PRKG1: variants seen among roughly 807,000 people sequenced by gnomAD.
The protein encoded by PRKG1 is cGMP-dependent protein kinase 1.
In PRKG1, 35 loss-of-function variants were observed where a neutral mutation model predicts 88.1. The observed-to-expected ratio is 0.40, with a 90% CI of 0.30 to 0.53. PRKG1 has a LOEUF of 0.53. Among genes scored for constraint, PRKG1 ranks in the 20% least tolerant of loss-of-function variants. PRKG1 has a pLI of 0.59. For synonymous variants in PRKG1, 303 were observed against 292.5 expected (o/e 1.04, Z -0.37); for missense variants, 540 against 839.8 (o/e 0.64, Z 4.41).
intron 4 of PRKG1, among the ~76,000 whole-genome samples, chr10:51,845,273 T>C (rs1472954346): frequency 6.6e-6 from 1 of 152,154 alleles, no homozygotes; most frequent in Non-Finnish European, 1.5e-5. Context: ...AGATTTTATC[T>C]TTCCAGATGT....
chr10:51,643,900 T>C (rs1839857904), intron 3 of PRKG1, among the ~76,000 whole-genome samples: 1 of 152,130 alleles, frequency 6.6e-6, no homozygotes, highest in Admixed American at 6.6e-5. Context: ...TCAACACCAT[T>C]AACCAGTCAT....
intron 9 of PRKG1, among the ~76,000 whole-genome samples, chr10:52,198,828 G>GTA (rs1243043945): frequency 6.6e-6 from 1 of 151,692 alleles, no homozygotes; most frequent in East Asian, 1.9e-4. Context: ...GTGTGTGTGT[G>GTA]TGTGTGCATG....
At chr10:51,264,244 G>A (rs978187718) in intron 2 of PRKG1, among the ~76,000 whole-genome samples, 3 of 152,212 alleles carry the variant, frequency 2.0e-5, no homozygotes, top group African/African-American at 7.2e-5. Flanking sequence ...CTCCATTAAA[G>A]ATATTTGAAG....
intron 3 of PRKG1, among the ~76,000 whole-genome samples, chr10:51,787,830 A>G (rs1169408028): frequency 6.6e-6 from 1 of 152,130 alleles, no homozygotes; most frequent in African/African-American, 2.4e-5. Context: ...ATTACAATCA[A>G]CCTTCAGAAT....
chr10:51,449,939 A>G (rs1047350691), intron 2 of PRKG1, among the ~76,000 whole-genome samples: 15 of 151,974 alleles, frequency 9.9e-5, no homozygotes, highest in Non-Finnish European at 2.1e-4. Context: ...GATGCGAATC[A>G]GTGAATAAAC....
chr10:51,798,170 A>G (rs1839066146), intron 3 of PRKG1, among the ~76,000 whole-genome samples: 1 of 152,046 alleles, frequency 6.6e-6, no homozygotes, highest in Admixed American at 6.6e-5. Flanking sequence ...ACTCAGAAGT[A>G]AAATTTCTGA....
intron 5 of PRKG1, among the ~76,000 whole-genome samples, chr10:52,018,134 G>A (rs913658916): frequency 6.6e-6 from 1 of 152,040 alleles, no homozygotes; most frequent in Non-Finnish European, 1.5e-5. Flanking sequence ...TTAGTATTTT[G>A]CAGGGTAAAA....
chr10:51,498,846 T>A (rs1840938931), intron 3 of PRKG1, among the ~76,000 whole-genome samples: 1 of 152,004 alleles, frequency 6.6e-6, no homozygotes, highest in Non-Finnish European at 1.5e-5. Flanking sequence ...ATACTCTTTC[T>A]TCATGTTTTT....
chr10:51,119,371 T>G (rs1043198479), intron 1 of PRKG1, among the ~76,000 whole-genome samples: 21 of 152,112 alleles, frequency 1.4e-4, no homozygotes, highest in Non-Finnish European at 1.9e-4. Context: ...ATTATTTGCA[T>G]AATTAGAGAA....
chr10:51,978,436 C>CTTTTTTTTTTTTTT (rs34946662), intron 5 of PRKG1, among the ~76,000 whole-genome samples: 2 of 134,330 alleles, frequency 1.5e-5, no homozygotes, highest in African/African-American at 5.5e-5. Context: ...CATTCGGGCT[C>CTTTTTTTTTTTTTT]TTTTTTTTTT....
rs548101042 is a variant in PRKG1 at position 51,005,044 on chromosome 10, A to G, written c.266+13400A>G. The stretch of plus-strand genomic sequence containing the variant: ...TTATAGGATGGCAACCTCGGTAGAG[A>G]TTTCATTTCATTATTTTTTTCTTGG... On this transcript the variant is annotated intron_variant, in intron 1 of 17. Transcript: ENST00000401604. 4.6e-5 allele frequency among the ~76,000 whole-genome samples: 7 copies of G among 152,184 alleles called. No homozygotes were observed. In the South Asian group the frequency reaches 1.2e-3, roughly 27 times the overall value.
chr10:51,110,506 A>G (rs1844957433), intron 1 of PRKG1, among the ~76,000 whole-genome samples: 1 of 152,106 alleles, frequency 6.6e-6, no homozygotes, highest in African/African-American at 2.4e-5. Flanking sequence ...ATGGTGACAG[A>G]ACAAACCGGT....
intron 3 of PRKG1, among the ~76,000 whole-genome samples, chr10:51,693,566 TAA>T (rs1841203615): frequency 6.6e-6 from 1 of 151,962 alleles, no homozygotes; most frequent in Non-Finnish European, 1.5e-5. Flanking sequence ...CATGCCTGGC[TAA>T]TTTTTGTATT....
intron 3 of PRKG1, among the ~76,000 whole-genome samples, chr10:51,628,160 C>CTTTATTTATTTA (rs1382306868): frequency 5.9e-5 from 3 of 51,272 alleles, no homozygotes; most frequent in Admixed American, 5.8e-4. Context: ...TTCTTTCTTT[C>CTTTATTTATTTA]TTTATTTATT....
intron 3 of PRKG1, among the ~76,000 whole-genome samples, chr10:51,547,152 T>A (rs954680051): frequency 6.6e-6 from 1 of 152,068 alleles, no homozygotes; most frequent in Non-Finnish European, 1.5e-5. Flanking sequence ...AATAAATGAC[T>A]TTTATAAATT....
intron 17 of PRKG1, among the ~76,000 whole-genome samples, chr10:52,292,785 C>G (rs1396730281): frequency 6.6e-6 from 1 of 151,836 alleles, no homozygotes; most frequent in African/African-American, 2.4e-5. Context: ...CTATCTATGA[C>G]AAACCCACAG....
intron 2 of PRKG1, among the ~76,000 whole-genome samples, chr10:51,402,441 C>T (rs530621823): frequency 2.6e-5 from 4 of 152,324 alleles, no homozygotes; most frequent in East Asian, 3.9e-4. Context: ...GCCATAGAAG[C>T]ACCACACTTT....
intron 3 of PRKG1, among the ~76,000 whole-genome samples, chr10:51,632,563 G>A (rs548046638): frequency 5.3e-4 from 80 of 152,180 alleles, no homozygotes; most frequent in African/African-American, 1.7e-3. Context: ...TGCTTATTTG[G>A]GGCAGCTAGG....
intron 3 of PRKG1, among the ~76,000 whole-genome samples, chr10:51,736,171 C>T (rs185567228): frequency 1.8e-4 from 27 of 151,820 alleles, no homozygotes; most frequent in East Asian, 1.7e-3. Flanking sequence ...AGATTACTGC[C>T]GTGAGTCACC....
Sources: allele counts gnomAD v4.1 joint callset (sites outside exome capture counted in the v4.1 genomes callset), GRCh38; gene constraint gnomAD v4.1.1; transcripts MANE v1.5; gene names NCBI Gene and HGNC (gene_info 2026-07-23, HGNC 2026-07-21).